Variants in DEPDC5 observed in about 807,000 individuals in gnomAD.
DEPDC5 encodes GATOR1 complex protein DEPDC5.
DEPDC5 carries 73 observed loss-of-function variants against 217.3 expected under a neutral mutation model. That is an observed-to-expected ratio of 0.34 (90% confidence interval 0.28 to 0.41). DEPDC5 has a LOEUF of 0.41. DEPDC5 is among the 10% of genes least tolerant of loss of function. The pLI, the probability that DEPDC5 is intolerant of heterozygous loss-of-function variation, is 1.00. For synonymous variants in DEPDC5, 733 were observed against 756.7 expected (o/e 0.97, Z 0.51); for missense variants, 1,675 against 2,070.1 (o/e 0.81, Z 3.70).
chr22:31,901,625 G>C lies in DEPDC5; in HGVS notation c.4376-117G>C, dbSNP rs896380553. 9.7e-6 allele frequency: 8 copies of C among 828,696 alleles called. No individual in the cohort carries two copies. The African/African-American group carries it at 1.0e-4, about 11-fold the overall frequency. The allele number at this position is 828,696 out of a possible 1,614,324, so 51.3% of individuals were successfully genotyped here. A position where few individuals can be genotyped will look rare whatever the true frequency, so the allele number is the denominator to read the frequency against. On this transcript the variant is annotated intron_variant, in intron 40 of 42. Transcript: ENST00000651528. Reference sequence around the variant, plus strand: ...TCAAAGGGCGTAGTATGGAGAAGCAGAGGTTAGGCTCAAGGGGACTGATTG... The same window carrying C: ...TCAAAGGGCGTAGTATGGAGAAGCACAGGTTAGGCTCAAGGGGACTGATTG...
chr22:31,785,332 C>T (rs961321443), intron 10 of DEPDC5, among the ~76,000 whole-genome samples: 1 of 152,096 alleles, frequency 6.6e-6, no homozygotes, highest in Non-Finnish European at 1.5e-5. Flanking sequence ...ACCCAATCAA[C>T]ACACAAAATC....
chr22:31,797,344 C>T lies in DEPDC5; in HGVS notation c.768-256C>T, dbSNP rs12483798. On this transcript the variant is annotated intron_variant, in intron 12 of 42. Transcript: ENST00000651528. ...GGTGGAAGGCGAAGGGGAAGCAAGG[C>T]ATGTCTTACCATGGTGAAGCAGGAG... Among the ~76,000 whole-genome samples, 2,405 of 152,200 alleles carry T rather than the reference C, an allele frequency of 0.016. 104 individuals are homozygous for T. The highest frequency in any genetic ancestry group is 0.078 in the Admixed American group (1,191 of 15,260).
At position 31,902,408 on chromosome 22, in the gene DEPDC5, TTATATATATA is replaced by T. The variant is rs66813737; in HGVS notation, c.4436+625_4436+634del. 6.2e-4 allele frequency among the ~76,000 whole-genome samples: 69 copies of T among 111,930 alleles called. 1 individual carries two copies. The highest frequency in any genetic ancestry group is 2.2e-3 in the African/African-American group (65 of 29,200). 73.4% of individuals were successfully genotyped at this position (111,930 alleles called of 152,430 possible). A position where few individuals can be genotyped will look rare whatever the true frequency, so the allele number is the denominator to read the frequency against. The stretch of plus-strand genomic sequence containing the variant: ...TCTCCAGTATCCTGTCATCTCCTTA[TTATATATATA>T]TATATATATATATATATACTTATAT... On this transcript the variant is annotated intron_variant, in intron 41 of 42. Coordinates refer to ENST00000651528, the MANE Select transcript of DEPDC5 (RefSeq NM_001242896.3).
At chr22:31,768,674 T>C in intron 6 of DEPDC5, 140 bp from the exon 7 acceptor site, 1 of 674,772 alleles carries the variant, frequency 1.5e-6, no homozygotes, top group Non-Finnish European at 2.5e-6. Context: ...AGTTCAACTT[T>C]GGGTTGGTAG....
intron 39 of DEPDC5, chr22:31,894,464 A>G (rs1301888802): frequency 6.6e-6 from 1 of 152,076 alleles, no homozygotes; most frequent in Non-Finnish European, 1.5e-5. Context: ...TTGTTTAACC[A>G]TAGTTAACCA....
At chr22:31,776,684 C>A (rs1478498833) in intron 7 of DEPDC5, among the ~76,000 whole-genome samples, 1 of 141,346 alleles carries the variant, frequency 7.1e-6, no homozygotes, top group African/African-American at 2.7e-5. Context: ...TCAAGTGATT[C>A]TGCCTCAGCT....
At chr22:31,857,615 A>C in intron 32 of DEPDC5, 62 bp downstream of exon 32, 2 of 1,384,738 alleles carry the variant, frequency 1.4e-6, no homozygotes, top group Admixed American at 4.1e-5. Context: ...TGTGGAGGGT[A>C]AAACAGATCG....
chr22:31,895,663 A>C (rs2093537358), intron 39 of DEPDC5, among the ~76,000 whole-genome samples: 1 of 152,126 alleles, frequency 6.6e-6, no homozygotes, highest in African/African-American at 2.4e-5. Context: ...GGAGATAAGC[A>C]AAGAGAAATG....
intron 13 of DEPDC5, 78 bp from the exon 14 acceptor site, chr22:31,798,504 C>A: frequency 7.7e-7 from 1 of 1,304,424 alleles, no homozygotes; most frequent in South Asian, 1.3e-5. Context: ...GGTGACACAG[C>A]AAGGCTTCGT....
At chr22:31,811,985 A>AT (rs558000209) in intron 20 of DEPDC5, among the ~76,000 whole-genome samples, 17 of 149,340 alleles carry the variant, frequency 1.1e-4, no homozygotes, top group East Asian at 2.0e-4. Flanking sequence ...TCTTGGCGGA[A>AT]TTTTTTTTTT....
rs1360585234 is a variant in DEPDC5 at position 31,830,629 on chromosome 22, A to ACG, written c.2105-3285_2105-3284dup. ...ATTTGCTTTTTCGGGGTATGCGTGT[A>ACG]CGTGTGTGTGTGTGTGTGTGTGTGT... On this transcript the variant is annotated intron_variant, in intron 24 of 42. Transcript: ENST00000651528. Among the ~76,000 whole-genome samples the ACG allele has an allele frequency of 5.0e-5, 5 of 100,870 alleles. No homozygotes were observed. In the East Asian group the frequency reaches 1.0e-3, roughly 21 times the overall value. The allele number at this position is 100,870 out of a possible 152,430, so 66.2% of individuals were successfully genotyped here.
At chr22:31,792,859 G>C (rs756261840) in intron 12 of DEPDC5, 42 bp downstream of exon 12, 1 of 1,425,072 alleles carries the variant, frequency 7.0e-7, no homozygotes, top group Admixed American at 2.9e-5. Context: ...TTATTTATTA[G>C]TTGTTTCTTT....
intron 31 of DEPDC5, among the ~76,000 whole-genome samples, chr22:31,852,142 G>A (rs1057459218): frequency 6.6e-6 from 1 of 152,006 alleles, no homozygotes; most frequent in African/African-American, 2.4e-5. Context: ...CAGTCTGGGC[G>A]ACAGCAAGAC....
At chr22:31,786,744 A>G (rs2085033294) in intron 10 of DEPDC5, among the ~76,000 whole-genome samples, 1 of 152,068 alleles carries the variant, frequency 6.6e-6, no homozygotes, top group East Asian at 1.9e-4. Context: ...GGTTGGGACT[A>G]TAGGCATTTG....
rs2092349085 is a variant in DEPDC5 at position 31,857,535 on chromosome 22, C to T, written c.3246C>T (p.Tyr1082=). The T allele has an allele frequency of 1.2e-6, 2 of 1,611,242 alleles. No individual in the cohort carries two copies. The highest frequency in any genetic ancestry group is 1.7e-5 in the Admixed American group (1 of 59,672). Residue 1082 remains tyrosine, a synonymous_variant, in exon 32 of 43, where the codon TAC becomes TAT. Transcript: ENST00000651528. Reference sequence around the variant, plus strand: ...GCAGCGTTGCCATGACTCCCACCTACATGGACAGCCCACGAAAGGTAAAGG... The same window carrying T: ...GCAGCGTTGCCATGACTCCCACCTATATGGACAGCCCACGAAAGGTAAAGG... The part of the protein sequence containing the change: ...ESSSVAMTPT[Y]MDSPRKDGAF...
rs543180008 is a variant in DEPDC5 at position 31,897,436 on chromosome 22, G to A, written c.4204-46G>A. 10 of 1,560,060 alleles carry A rather than the reference G, an allele frequency of 6.4e-6. No homozygotes were observed. In the South Asian group the frequency reaches 1.1e-4, roughly 17 times the overall value. On this transcript the variant is annotated intron_variant, in intron 39 of 42. Transcript: ENST00000651528. ...CCTTGGGAAGTATTTTCTCTTGTTTGAAAGAACTTGGAGATGATATTGTTT... is the reference window on the plus strand; with the variant it reads ...CCTTGGGAAGTATTTTCTCTTGTTTAAAAGAACTTGGAGATGATATTGTTT...
rs956184216 is a variant in DEPDC5 at position 31,768,985 on chromosome 22, C to T, written c.413+122C>T. The T allele has an allele frequency of 6.1e-6, 8 of 1,307,866 alleles. No homozygotes were observed. In the East Asian group the frequency reaches 1.7e-4, roughly 28 times the overall value. The allele number at this position is 1,307,866 out of a possible 1,614,324, so 81.0% of individuals were successfully genotyped here. A position where few individuals can be genotyped will look rare whatever the true frequency, so the allele number is the denominator to read the frequency against. ...TATAAAATGTTAGATTGTTGGCTGG[C>T]CACAGTGGCTCACGCCTGTAATCCT... On this transcript the variant is annotated intron_variant, in intron 7 of 42. Transcript: ENST00000651528.
intron 31 of DEPDC5, among the ~76,000 whole-genome samples, 156 bp downstream of exon 31, chr22:31,847,123 G>C (rs1165507204): frequency 1.3e-5 from 2 of 152,220 alleles, no homozygotes; most frequent in Non-Finnish European, 2.9e-5. Context: ...TACCTGGTAG[G>C]TGTTGGATAA....
chr22:31,793,092 A>AT (rs1444048506), intron 12 of DEPDC5, among the ~76,000 whole-genome samples: 2 of 152,040 alleles, frequency 1.3e-5, no homozygotes, highest in Non-Finnish European at 2.9e-5. Flanking sequence ...AAATAAATAA[A>AT]TAAATAAACC....
Sources: allele counts gnomAD v4.1 joint callset (sites outside exome capture counted in the v4.1 genomes callset), GRCh38; gene constraint gnomAD v4.1.1; transcripts MANE v1.5; gene names NCBI Gene and HGNC (gene_info 2026-07-23, HGNC 2026-07-21).